AIFM1: variants seen among roughly 807,000 people sequenced by gnomAD.
The protein encoded by AIFM1 is apoptosis inducing factor mitochondria associated 1, also known as apoptosis-inducing factor 1, mitochondrial.
A neutral mutation model predicts 51.7 loss-of-function variants in AIFM1; 3 were observed. The ratio of observed to expected loss-of-function variants is 0.06; its 90% CI spans 0.03 to 0.15. The LOEUF is 0.15. Among genes scored for constraint, AIFM1 ranks in the 10% least tolerant of loss-of-function variants. The pLI, the probability that AIFM1 is intolerant of heterozygous loss-of-function variation, is 1.00. For missense variants in AIFM1, 330 were observed against 476.8 expected (o/e 0.69, Z 2.87); for synonymous variants, 178 against 179.4 (o/e 0.99, Z 0.06).
intron 1 of AIFM1, among the ~76,000 whole-genome samples, chrX:130,159,673 A>G (rs1456485178): frequency 4.6e-5 from 5 of 109,807 alleles, no homozygotes; most frequent in Non-Finnish European, 5.7e-5. Flanking sequence ...TACAGACATT[A>G]TAACAAATTT....
At chrX:130,155,185 C>A in intron 2 of AIFM1, 1 of 1,211,640 alleles carries the variant, frequency 8.3e-7, no homozygotes. Context: ...GTGACTGTTG[C>A]TCCTACAATT....
At position 130,140,520 on chromosome X, in the gene AIFM1, C is replaced by T; in HGVS notation, c.781+13G>A. 4 of 1,197,788 alleles carry T rather than the reference C, an allele frequency of 3.3e-6. No individual in the cohort carries two copies. The highest frequency in any genetic ancestry group is 4.5e-6 in the Non-Finnish European group (4 of 882,877). On this transcript the variant is annotated intron_variant, in intron 7 of 15. Coordinates refer to ENST00000287295, the MANE Select transcript of AIFM1 (RefSeq NM_004208.4). ...CTGTATCAGGGAAGAAAGCCATCTCCAGAAATGCTCACCTGTTGCAATCAA... is the reference window on the plus strand; with the variant it reads ...CTGTATCAGGGAAGAAAGCCATCTCTAGAAATGCTCACCTGTTGCAATCAA...
intron 14 of AIFM1, among the ~76,000 whole-genome samples, chrX:130,131,010 C>T (rs775106398): frequency 1.9e-4 from 21 of 112,622 alleles, no homozygotes; most frequent in African/African-American, 6.8e-4. Context: ...CCTTCTTAAA[C>T]AGCACCTTGC....
At chrX:130,144,998 T>C (rs2030704567) in intron 6 of AIFM1, among the ~76,000 whole-genome samples, 1 of 111,905 alleles carries the variant, frequency 8.9e-6, no homozygotes, top group Non-Finnish European at 1.9e-5. Context: ...ACACACACTC[T>C]AGTACCTGCC....
chrX:130,152,092 G>GGAAGA (rs72435535), intron 2 of AIFM1, among the ~76,000 whole-genome samples: 18 of 105,200 alleles, frequency 1.7e-4, no homozygotes, highest in Admixed American at 3.1e-4. Flanking sequence ...TCCAAAAAAG[G>GGAAGA]GAAGAGAAGA....
chrX:130,138,838 G>A, intron 8 of AIFM1, 137 bp from the exon 9 acceptor site: 1 of 485,915 alleles, frequency 2.1e-6, no homozygotes, highest in East Asian at 3.7e-5. Context: ...TAACTTCTAT[G>A]TTATTAATGC....
At chrX:130,141,492 T>C (rs2030577872) in intron 6 of AIFM1, among the ~76,000 whole-genome samples, 1 of 112,207 alleles carries the variant, frequency 8.9e-6, no homozygotes, top group Admixed American at 9.4e-5. Context: ...CTCCAACTTG[T>C]AGCCTTCACG....
intron 1 of AIFM1, among the ~76,000 whole-genome samples, chrX:130,161,169 G>A (rs1418779210): frequency 9.0e-6 from 1 of 110,987 alleles, no homozygotes; most frequent in African/African-American, 3.3e-5. Flanking sequence ...AGATCTATAC[G>A]TTCTTGAGAC....
At position 130,139,752 on chromosome X, in the gene AIFM1, T is replaced by A. The variant is rs376387541; in HGVS notation, c.858+43A>T. On this transcript the variant is annotated intron_variant, in intron 8 of 15. Coordinates refer to ENST00000287295, the MANE Select transcript of AIFM1 (RefSeq NM_004208.4). ...TTGGGGACTGCAAGATTATACTACT[T>A]CTTCAAAAACAACACAAGGAAAACA... 2.1e-5 allele frequency: 25 copies of A among 1,179,282 alleles called. No individual in the cohort carries two copies. The African/African-American group carries it at 2.1e-4, about 10-fold the overall frequency.
At position 130,130,151 on chromosome X, in the gene AIFM1, G is replaced by A. The variant is rs2030005988; in HGVS notation, c.1589C>T (p.Ser530Leu). 3 of 1,211,935 alleles carry A rather than the reference G, an allele frequency of 2.5e-6. No homozygotes were observed. The highest frequency in any genetic ancestry group is 1.7e-5 in the African/African-American group (1 of 57,865). ...ATEQSGTGIRSESETESEASE... is the reference protein window; with the variant it reads ...ATEQSGTGIRLESETESEASE... ...GGCCTCGGACTCTGTCTCACTCTCTGATCGGATACCAGTTCCTGTGGCCAG... is the reference window on the plus strand; with the variant it reads ...GGCCTCGGACTCTGTCTCACTCTCTAATCGGATACCAGTTCCTGTGGCCAG... Residue 530 changes from serine to leucine, a missense_variant, in exon 15 of 16, where the codon TCA becomes TTA. By Grantham distance (145) the Ser-to-Leu change is moderately radical (BLOSUM62 -2). Around this residue, in one of 4 missense-constraint regions of AIFM1, gnomAD observed 56 missense variants for 48.8 expected, o/e 1.15. Coordinates refer to ENST00000287295, the MANE Select transcript of AIFM1 (RefSeq NM_004208.4).
chrX:130,129,500 A>T lies in AIFM1; in HGVS notation c.*57T>A, dbSNP rs2124643360. ...CTGCTGAATAAAAAAATGCTCCTTT[A>T]CCCATTCGACCTCCTCTCAGGGGCT... On this transcript the variant is annotated 3_prime_UTR_variant, in exon 16 of 16. Transcript: ENST00000287295. 1 of 1,018,124 alleles carries T rather than the reference A, an allele frequency of 9.8e-7. No individual in the cohort carries two copies. The highest frequency in any genetic ancestry group is 3.0e-5 in the East Asian group (1 of 32,983). The allele number at this position is 1,018,124 out of a possible 1,213,427, so 83.9% of individuals were successfully genotyped here. A position where few individuals can be genotyped will look rare whatever the true frequency, so the allele number is the denominator to read the frequency against.
At chrX:130,152,829 T>C (rs141198924) in intron 2 of AIFM1, among the ~76,000 whole-genome samples, 236 of 112,185 alleles carry the variant, frequency 2.1e-3, no homozygotes, top group African/African-American at 6.7e-3. Flanking sequence ...TGTGGTTGCA[T>C]GCCATTAGTG....
intron 6 of AIFM1, among the ~76,000 whole-genome samples, chrX:130,143,648 C>T (rs1215331274): frequency 9.2e-6 from 1 of 108,195 alleles, no homozygotes; most frequent in African/African-American, 3.4e-5. Flanking sequence ...GTCAGGAGTT[C>T]GAGACCAACC....
At chrX:130,149,084 G>T (rs1206618755) in intron 3 of AIFM1, among the ~76,000 whole-genome samples, 1 of 107,895 alleles carries the variant, frequency 9.3e-6, no homozygotes, top group Admixed American at 1.0e-4. Context: ...ACCACGCCTG[G>T]CTAATTTTTG....
At chrX:130,130,260 G>A (rs2030010929) in intron 14 of AIFM1, 94 bp from the exon 15 acceptor site, 3 of 1,011,174 alleles carry the variant, frequency 3.0e-6, no homozygotes, top group African/African-American at 1.9e-5. Flanking sequence ...ACAGTCTTTC[G>A]AGGCCTGCTT....
intron 2 of AIFM1, among the ~76,000 whole-genome samples, chrX:130,152,340 C>G (rs764874126): frequency 9.0e-6 from 1 of 110,609 alleles, no homozygotes; most frequent in Non-Finnish European, 1.9e-5. Context: ...AGAATGAGGT[C>G]GATCTGTCTG....
Position 130,131,882 on chromosome X carries a change from T to A in AIFM1, c.1449-83A>T, listed in dbSNP as rs28549671. 4.4e-4 allele frequency: 506 copies of A among 1,151,818 alleles called. No individual in the cohort carries two copies. In the African/African-American group the frequency reaches 7.9e-3, roughly 18 times the overall value. 94.9% of individuals were successfully genotyped at this position (1,151,818 alleles called of 1,213,427 possible). On this transcript the variant is annotated intron_variant, in intron 13 of 15. Coordinates refer to ENST00000287295, the MANE Select transcript of AIFM1 (RefSeq NM_004208.4). ...CATATTCTCCATGACACTGCATTTT[T>A]TTTTTTTTGAGACGGAGTTTCACTC...
intron 3 of AIFM1, 125 bp downstream of exon 3, chrX:130,149,344 C>CT (rs1396987493): frequency 1.7e-6 from 1 of 593,981 alleles, no homozygotes; most frequent in African/African-American, 2.2e-5. Context: ...ACCATACTTT[C>CT]TAGATGCTTG....
At chrX:130,160,290 C>T (rs2031306202) in intron 1 of AIFM1, among the ~76,000 whole-genome samples, 1 of 111,731 alleles carries the variant, frequency 9.0e-6, no homozygotes, top group Non-Finnish European at 1.9e-5. Flanking sequence ...AATATTACAT[C>T]GTGACTGAAA....
Sources: allele counts gnomAD v4.1 joint callset (sites outside exome capture counted in the v4.1 genomes callset), GRCh38; gene constraint gnomAD v4.1.1; regional missense constraint gnomAD v4.1.1; transcripts MANE v1.5; gene names NCBI Gene and HGNC (gene_info 2026-07-23, HGNC 2026-07-21).